MSN: variants seen among roughly 807,000 people sequenced by gnomAD.
MSN encodes the protein moesin.
A neutral mutation model predicts 48.0 loss-of-function variants in MSN; 2 were observed. The observed-to-expected ratio is 0.04, with a 90% CI of 0.02 to 0.13. The LOEUF (loss-of-function observed/expected upper bound fraction) is 0.13. MSN is among the 10% of genes least tolerant of loss of function. The pLI is 1.00. For missense variants in MSN, 267 were observed against 470.1 expected, an observed-to-expected ratio of 0.57 and a Z score of 3.99; for synonymous variants, 146 against 166.9, an observed-to-expected ratio of 0.87 and a Z score of 0.97.
In MSN at chrX:65,740,305, C is replaced by T. The variant is rs568007621; in HGVS notation, c.*412C>T. 26 of 185,386 alleles carry T rather than the reference C, an allele frequency of 1.4e-4. No individual in the cohort carries two copies. Among genetic ancestry groups the T allele is most frequent in the Admixed American group, 9.7e-4 (13 of 13,383 alleles). The allele number at this position is 185,386 out of a possible 1,213,427, so 15.3% of individuals were successfully genotyped here. A position where few individuals can be genotyped will look rare whatever the true frequency, so the allele number is the denominator to read the frequency against. On this transcript the variant is annotated 3_prime_UTR_variant, in exon 13 of 13. Coordinates refer to ENST00000360270, the MANE Select transcript of MSN (RefSeq NM_002444.3). ...CTTCTTCAGGGTCCTGAGATTTACA[C>T]GGTTGGAGTGTTATGCGGTCTAGGG...
intron 1 of MSN, among the ~76,000 whole-genome samples, chrX:65,617,050 A>T (rs1176353894): frequency 9.3e-6 from 1 of 107,973 alleles, no homozygotes; most frequent in Non-Finnish European, 1.9e-5. Context: ...CCTCCCAGGG[A>T]TGAAGCCCAC....
chrX:65,637,084 G>A lies in MSN; in HGVS notation c.-22+48472G>A, dbSNP rs181888984. Among the ~76,000 whole-genome samples the A allele has an allele frequency of 5.8e-3, 554 of 95,853 alleles. 17 individuals are homozygous for A. The highest frequency in any genetic ancestry group is 0.056 in the Admixed American group (477 of 8,525). 83.2% of individuals were successfully genotyped at this position (95,853 alleles called of 115,157 possible). A position where few individuals can be genotyped will look rare whatever the true frequency, so the allele number is the denominator to read the frequency against. ...CAGCCTGGACGACACAGCAAGATTC[G>A]GTCTCAAAAAAAAAAAAAAGAAAGA... On this transcript the variant is annotated intron_variant, in intron 1 of 3. Coordinates refer to the MSN transcript ENST00000609672.
At chrX:65,632,955 G>A in intron 1 of MSN, among the ~76,000 whole-genome samples, 1 of 111,952 alleles carries the variant, frequency 8.9e-6, no homozygotes, top group Middle Eastern at 4.6e-3. Context: ...CTCAGGAGAA[G>A]TAATCCTCAG....
intron 1 of MSN, among the ~76,000 whole-genome samples, chrX:65,612,348 T>A (rs919955294): frequency 2.7e-5 from 3 of 111,276 alleles, no homozygotes; most frequent in African/African-American, 9.8e-5. Context: ...CCTCCACAAG[T>A]GTAAGCCAAT....
At chrX:65,654,410 C>T (rs969821190) in intron 1 of MSN, among the ~76,000 whole-genome samples, 5 of 110,525 alleles carry the variant, frequency 4.5e-5, no homozygotes, top group African/African-American at 1.3e-4. Flanking sequence ...CGAGCCACCA[C>T]GCCTGGCCTT....
intron 1 of MSN, among the ~76,000 whole-genome samples, chrX:65,614,696 A>AT (rs1349155777): frequency 1.4e-5 from 1 of 73,268 alleles, no homozygotes; most frequent in Admixed American, 1.4e-4. Flanking sequence ...TTATTTATTT[A>AT]TTTTTTCTTT....
intron 1 of MSN, among the ~76,000 whole-genome samples, chrX:65,622,096 CTT>C (rs757740196): frequency 0.13 from 11,597 of 90,446 alleles, 2,102 homozygotes; most frequent in African/African-American, 0.45. Context: ...CTTTTCTTTT[CTT>C]TTTTTTTTTT....
At chrX:65,611,246 G>A (rs913506949) in intron 1 of MSN, among the ~76,000 whole-genome samples, 4 of 104,889 alleles carry the variant, frequency 3.8e-5, no homozygotes, top group Non-Finnish European at 7.8e-5. Flanking sequence ...TGCAACCTCC[G>A]CCTCCCAGGT....
intron 1 of MSN, among the ~76,000 whole-genome samples, chrX:65,670,450 C>T (rs1011657315): frequency 2.7e-5 from 3 of 111,318 alleles, no homozygotes; most frequent in East Asian, 5.7e-4. Context: ...GCCAGCCGGG[C>T]GTGGTGGCTC....
chrX:65,601,416 C>G (rs145437022), intron 1 of MSN, among the ~76,000 whole-genome samples: 4 of 112,205 alleles, frequency 3.6e-5, no homozygotes, highest in African/African-American at 1.3e-4. Flanking sequence ...CCTCCCTCTC[C>G]CCTGACTCCA....
intron 1 of MSN, among the ~76,000 whole-genome samples, chrX:65,646,450 G>A (rs183219659): frequency 4.8e-4 from 54 of 111,817 alleles, no homozygotes; most frequent in Non-Finnish European, 8.1e-4. Flanking sequence ...CGATAACATA[G>A]CTCACATCCT....
At chrX:65,613,642 A>G (rs1406312262) in intron 1 of MSN, among the ~76,000 whole-genome samples, 2 of 112,259 alleles carry the variant, frequency 1.8e-5, no homozygotes, top group African/African-American at 6.5e-5. Flanking sequence ...TCTTTTTTTC[A>G]TAAGTTTGTT....
In MSN at chrX:65,648,767, G is replaced by A. The variant is rs749939478; in HGVS notation, c.-22+60155G>A. Among the ~76,000 whole-genome samples the A allele has an allele frequency of 7.3e-5, 8 of 109,855 alleles. No homozygotes were observed. In the Admixed American group the frequency reaches 7.9e-4, roughly 11 times the overall value. On this transcript the variant is annotated intron_variant, in intron 1 of 3. Transcript: ENST00000609672. ...AATCCCAGCTACTTGGGAGGCTGAG[G>A]CAGGAGAATCGCTTGAACCTGGGAG...
upstream of MSN, among the ~76,000 whole-genome samples, chrX:65,666,338 T>C (rs2070869629): frequency 9.2e-6 from 1 of 108,778 alleles, no homozygotes; most frequent in Non-Finnish European, 1.9e-5. Context: ...TTATTATTAT[T>C]ATTTTTGAGA....
chrX:65,697,546 T>C (rs2071257760), intron 1 of MSN, among the ~76,000 whole-genome samples: 1 of 111,570 alleles, frequency 9.0e-6, no homozygotes, highest in Non-Finnish European at 1.9e-5. Context: ...TCAGGGGACC[T>C]TCCTATGGCC....
intron 1 of MSN, among the ~76,000 whole-genome samples, chrX:65,686,367 C>A (rs2071115094): frequency 8.9e-6 from 1 of 112,320 alleles, no homozygotes; most frequent in African/African-American, 3.2e-5. Context: ...AGCCTTTAAT[C>A]CTGGAACCTC....
rs113691954 is a variant in MSN at position 65,670,314 on chromosome X, G to A, written c.12+2461G>A. ...TCTAGCGTGTGACAGATGGAGAAAG[G>A]TAGTGGAAAATCAAACTCGTTCATT... On this transcript the variant is annotated intron_variant, in intron 1 of 12. Coordinates refer to ENST00000360270, the MANE Select transcript of MSN (RefSeq NM_002444.3). Among the ~76,000 whole-genome samples the A allele has an allele frequency of 7.1e-3, 797 of 112,083 alleles. 10 individuals carry two copies. Among genetic ancestry groups the A allele is most frequent in the African/African-American group, 0.025 (756 of 30,839 alleles).
intron 1 of MSN, among the ~76,000 whole-genome samples, chrX:65,603,073 C>A (rs1338508735): frequency 8.9e-6 from 1 of 112,062 alleles, no homozygotes; most frequent in Non-Finnish European, 1.9e-5. Flanking sequence ...GTGGGTGGAT[C>A]ACCTGACATC....
chrX:65,703,695 A>C (rs2071331830), intron 1 of MSN, among the ~76,000 whole-genome samples: 1 of 111,545 alleles, frequency 9.0e-6, no homozygotes, highest in Non-Finnish European at 1.9e-5. Flanking sequence ...CTCCTAAGTA[A>C]GTATTAGTAG....
Sources: gnomAD v4.1 joint callset for allele counts (sites outside exome capture counted in the v4.1 genomes callset) on GRCh38, gnomAD v4.1.1 for gene constraint, MANE v1.5 for transcripts, NCBI Gene and HGNC (gene_info 2026-07-23, HGNC 2026-07-21) for gene names.